The following ASAP1 variants were observed in gnomAD, a reference collection of about 807,000 sequenced individuals.
ASAP1 encodes the protein arf-GAP with SH3 domain, ANK repeat and PH domain-containing protein 1.
ASAP1 carries 43 observed loss-of-function variants against 145.2 expected under a neutral mutation model. The ratio of observed to expected loss-of-function variants is 0.30; its 90% CI spans 0.23 to 0.38. ASAP1 has a LOEUF of 0.38. ASAP1 is among the 10% of genes least tolerant of loss of function. The probability of loss-of-function intolerance (pLI) is 1.00; values close to 1 mark genes in which losing one functional copy is unlikely to be tolerated. For missense variants in ASAP1, 1,018 were observed against 1,355.3 expected, an observed-to-expected ratio of 0.75 and a Z score of 3.91; for synonymous variants, 546 against 515.5, an observed-to-expected ratio of 1.06 and a Z score of -0.80.
intron 1 of ASAP1, among the ~76,000 whole-genome samples, chr8:130,427,223 G>A (rs565675533): frequency 9.9e-5 from 15 of 152,168 alleles, no homozygotes; most frequent in Admixed American, 6.5e-4. Context: ...TTAAAGAACC[G>A]GAGAGCAATG....
intron 3 of ASAP1, among the ~76,000 whole-genome samples, chr8:130,283,583 G>GAAAAAAAAAAAAA (rs745389921): frequency 6.1e-5 from 6 of 98,788 alleles, no homozygotes; most frequent in African/African-American, 2.5e-4. Flanking sequence ...CTCCATCACA[G>GAAAAAAAAAAAAA]AAAGAAAAAA....
intron 2 of ASAP1, among the ~76,000 whole-genome samples, chr8:130,367,481 CA>C (rs1463359529): frequency 1.3e-5 from 2 of 152,304 alleles, no homozygotes; most frequent in African/African-American, 2.4e-5. Flanking sequence ...CCAAAAGAAA[CA>C]TTTGATAAAT....
intron 27 of ASAP1, among the ~76,000 whole-genome samples, chr8:130,068,569 G>A (rs190497227): frequency 3.6e-4 from 55 of 152,306 alleles, no homozygotes; most frequent in African/African-American, 1.3e-3. Flanking sequence ...CAGAGTAGAA[G>A]TACATGTTTG....
At chr8:130,343,231 G>T (rs910861836) in intron 3 of ASAP1, among the ~76,000 whole-genome samples, 19 of 152,176 alleles carry the variant, frequency 1.2e-4, no homozygotes, top group Non-Finnish European at 2.2e-4. Context: ...AGGAATTTCA[G>T]ACAAGAGGCT....
intron 8 of ASAP1, 55 bp from the exon 9 acceptor site, chr8:130,179,404 C>A: frequency 1.8e-6 from 2 of 1,138,390 alleles, no homozygotes; most frequent in Non-Finnish European, 2.6e-6. Context: ...GGCTCTTCAG[C>A]CATGGGTTCA....
At chr8:130,127,098 T>C (rs547730621) in intron 16 of ASAP1, among the ~76,000 whole-genome samples, 2 of 152,188 alleles carry the variant, frequency 1.3e-5, no homozygotes, top group Non-Finnish European at 2.9e-5. Flanking sequence ...TATAGTGCTA[T>C]TTGAAAATAA....
chr8:130,393,645 GC>G (rs1828387405), intron 2 of ASAP1, among the ~76,000 whole-genome samples: 1 of 152,100 alleles, frequency 6.6e-6, no homozygotes, highest in South Asian at 2.1e-4. Context: ...AATCCCAGCT[GC>G]TCGGGAGGCT....
chr8:130,287,915 C>T (rs1308381046), intron 3 of ASAP1, among the ~76,000 whole-genome samples: 1 of 152,184 alleles, frequency 6.6e-6, no homozygotes, highest in African/African-American at 2.4e-5. Context: ...CACATACCCT[C>T]TTGCCCTGTT....
At chr8:130,418,448 T>C (rs1178456571) in intron 1 of ASAP1, among the ~76,000 whole-genome samples, 2 of 152,080 alleles carry the variant, frequency 1.3e-5, no homozygotes, top group African/African-American at 2.4e-5. Flanking sequence ...CTCAGGAGGC[T>C]GAGGCAGGAG....
chr8:130,262,982 C>T (rs906236008), intron 3 of ASAP1, among the ~76,000 whole-genome samples: 4 of 152,146 alleles, frequency 2.6e-5, no homozygotes, highest in Admixed American at 6.6e-5. Context: ...ACCCTTAACC[C>T]CTTACGTTGA....
rs575168026 is a variant in ASAP1 at position 130,347,079 on chromosome 8, A to G, written c.186+10938T>C. Among the ~76,000 whole-genome samples, 23 of 152,352 alleles carry G rather than the reference A, an allele frequency of 1.5e-4. No individual in the cohort carries two copies. In the South Asian group the frequency reaches 4.8e-3, roughly 32 times the overall value. On this transcript the variant is annotated intron_variant, in intron 3 of 29. Coordinates refer to ENST00000518721, the MANE Select transcript of ASAP1 (RefSeq NM_018482.4). Reference sequence around the variant, plus strand: ...AGGCTCTGTTATTTAACACTGAGGAAAAACCAATTAAACCAGAAATTTTCC... The same window carrying G: ...AGGCTCTGTTATTTAACACTGAGGAGAAACCAATTAAACCAGAAATTTTCC...
chr8:130,161,801 T>C (rs1161410284), intron 11 of ASAP1, among the ~76,000 whole-genome samples: 1 of 152,164 alleles, frequency 6.6e-6, no homozygotes, highest in African/African-American at 2.4e-5. Context: ...AAAAAATACA[T>C]ATGTATATAT....
At chr8:130,156,107 T>C (rs1472814356) in intron 12 of ASAP1, among the ~76,000 whole-genome samples, 1 of 152,204 alleles carries the variant, frequency 6.6e-6, no homozygotes, top group Non-Finnish European at 1.5e-5. Flanking sequence ...AATAATTGCC[T>C]CTGGTCCATA....
intron 25 of ASAP1, among the ~76,000 whole-genome samples, chr8:130,087,551 C>G (rs1472845242): frequency 6.6e-6 from 1 of 152,026 alleles, no homozygotes; most frequent in Non-Finnish European, 1.5e-5. Flanking sequence ...CAGGTGGAAA[C>G]CTCCACCTGG....
At chr8:130,199,970 AAACAT>A (rs1171571620) in intron 5 of ASAP1, among the ~76,000 whole-genome samples, 1 of 152,234 alleles carries the variant, frequency 6.6e-6, no homozygotes, top group Non-Finnish European at 1.5e-5. Context: ...GGCACAGTAT[AAACAT>A]AACTTTTTGA....
chr8:130,394,147 A>G (rs888837145), intron 2 of ASAP1, among the ~76,000 whole-genome samples: 1 of 152,240 alleles, frequency 6.6e-6, no homozygotes, highest in Non-Finnish European at 1.5e-5. Flanking sequence ...TGTTCAGGGA[A>G]CAAGAGAGAT....
Position 130,179,343 on chromosome 8 carries a change from T to C in ASAP1, c.667A>G (p.Ile223Val). ...LFQLQMCEYL[I>V]KVNEIKTKKG... The stretch of plus-strand genomic sequence containing the variant: ...TTGGTCTTGATTTCATTAACTTTAA[T>C]GAGATACTGTGAAAATAAAACAGGG... Residue 223 changes from isoleucine to valine, a missense_variant, in exon 9 of 30, where the codon ATT becomes GTT. Transcript: ENST00000518721. 1.3e-6 allele frequency: 2 copies of C among 1,590,632 alleles called. No homozygotes were observed. Among genetic ancestry groups the C allele is most frequent in the Non-Finnish European group, 1.7e-6 (2 of 1,158,776 alleles).
intron 3 of ASAP1, among the ~76,000 whole-genome samples, chr8:130,274,351 A>C (rs1419567125): frequency 1.3e-5 from 2 of 152,180 alleles, no homozygotes; most frequent in African/African-American, 4.8e-5. Flanking sequence ...TTCACTTACC[A>C]TTACGGGGAA....
intron 3 of ASAP1, among the ~76,000 whole-genome samples, chr8:130,277,460 T>C (rs1410065726): frequency 6.6e-6 from 1 of 152,162 alleles, no homozygotes; most frequent in African/African-American, 2.4e-5. Context: ...AAATTCAAAA[T>C]ATGAATTCCA....
Sources: gnomAD v4.1 joint callset for allele counts (sites outside exome capture counted in the v4.1 genomes callset) on GRCh38, gnomAD v4.1.1 for gene constraint, MANE v1.5 for transcripts, NCBI Gene and HGNC (gene_info 2026-07-23, HGNC 2026-07-21) for gene names.